The following UGT1A10 variants were observed in gnomAD, a reference collection of about 807,000 sequenced individuals.
UGT1A10 encodes UDP-glucuronosyltransferase 1A10.
In UGT1A10, 49 loss-of-function variants were observed where a neutral mutation model predicts 45.8. The ratio of observed to expected loss-of-function variants is 1.07; its 90% confidence interval spans 0.85 to 1.36. UGT1A10 has a LOEUF of 1.36. Among genes scored for constraint, UGT1A10 ranks in the 40% most tolerant of loss-of-function variants. The pLI is 0.00. For synonymous variants in UGT1A10, 284 were observed against 249.7 expected, an observed-to-expected ratio of 1.14 and a Z score of -1.29; for missense variants, 745 against 668.6, an observed-to-expected ratio of 1.11 and a Z score of -1.26.
intron 1 of UGT1A10, among the ~76,000 whole-genome samples, chr2:233,645,210 C>G (rs963570438): frequency 2.0e-5 from 3 of 152,206 alleles, no homozygotes; most frequent in African/African-American, 7.2e-5. Context: ...TATTCACTAT[C>G]AAGAGAACAG....
At chr2:233,672,911 A>G (rs184184865) in intron 1 of UGT1A10, 1 of 1,505,560 alleles carries the variant, frequency 6.6e-7, no homozygotes, top group Non-Finnish European at 8.8e-7. Context: ...TTCCAGTTTA[A>G]CAAATTATTT....
chr2:233,647,948 G>T (rs2073643933), intron 1 of UGT1A10: 2 of 1,606,252 alleles, frequency 1.2e-6, no homozygotes, highest in Non-Finnish European at 1.7e-6. Flanking sequence ...GGGAGCCACT[G>T]GTTCACCATG....
chr2:233,713,916 G>A, intron 1 of UGT1A10: 2 of 1,612,412 alleles, frequency 1.2e-6, no homozygotes, highest in Non-Finnish European at 1.7e-6. Flanking sequence ...TTTAAAAAAT[G>A]TATTTACTTA....
intron 1 of UGT1A10, chr2:233,648,741 G>T: frequency 1.8e-6 from 1 of 561,922 alleles, no homozygotes. Context: ...TGGAATTACA[G>T]GGGTGAGCCA....
chr2:233,772,514 G>C lies in UGT1A10; in HGVS notation c.1548G>C (p.Gly516=). ...CTTATGGCTACCGGAAATGCTTGGGGAAAAAAGGGCGAGTTAAGAAAGCCC... is the reference window on the plus strand; with the variant it reads ...CTTATGGCTACCGGAAATGCTTGGGCAAAAAAGGGCGAGTTAAGAAAGCCC... ...CCAYGYRKCL[G]KKGRVKKAHK... Residue 516 remains glycine, a synonymous_variant, in exon 5 of 5, where the codon GGG becomes GGC. Transcript: ENST00000344644. The C allele has an allele frequency of 6.2e-7, 1 of 1,614,126 alleles. No individual in the cohort carries two copies. Among genetic ancestry groups the C allele is most frequent in the Non-Finnish European group, 8.5e-7 (1 of 1,180,014 alleles).
intron 1 of UGT1A10, chr2:233,719,568 A>C (rs1164551922): frequency 1.9e-6 from 3 of 1,613,756 alleles, no homozygotes; most frequent in East Asian, 2.2e-5. Flanking sequence ...GGATCTTGTC[A>C]GCTATGCATC....
chr2:233,648,005 T>C (rs553085419), intron 1 of UGT1A10: 70 of 1,606,564 alleles, frequency 4.4e-5, no homozygotes, highest in Non-Finnish European at 5.9e-5. Flanking sequence ...GAGGTGGTTG[T>C]AGTCAGGCCA....
rs1233406017 is a variant in UGT1A10 at position 233,718,946 on chromosome 2, CA to C, written c.856-48087del. 88 of 1,614,072 alleles carry C rather than the reference CA, an allele frequency of 5.5e-5. No homozygotes were observed. In the East Asian group the frequency reaches 1.6e-3, roughly 29 times the overall value. ...TGCCCACTGATGGCAGCCCCTGGCT[CA>C]GCATGCGGGAGGCCTTGCGGGAGCT... On this transcript the variant is annotated intron_variant, in intron 1 of 4. Transcript: ENST00000344644.
chr2:233,688,438 C>T (rs1367790145), intron 1 of UGT1A10, among the ~76,000 whole-genome samples: 1 of 152,212 alleles, frequency 6.6e-6, no homozygotes, highest in African/African-American at 2.4e-5. Flanking sequence ...TACCTGACTG[C>T]CTCCCTGTGT....
chr2:233,712,762 A>G (rs934056553), intron 1 of UGT1A10, among the ~76,000 whole-genome samples: 48 of 152,180 alleles, frequency 3.2e-4, no homozygotes, highest in Admixed American at 2.4e-3. Flanking sequence ...AGCGAGCGCA[A>G]GGTCAGATGA....
chr2:233,698,747 A>G (rs2075459836), intron 1 of UGT1A10, among the ~76,000 whole-genome samples: 1 of 152,228 alleles, frequency 6.6e-6, no homozygotes, highest in Non-Finnish European at 1.5e-5. Context: ...TTTTTTACAT[A>G]ATGCTATGAT....
intron 1 of UGT1A10, chr2:233,648,696 C>G (rs1446834670): frequency 2.6e-6 from 1 of 388,492 alleles, no homozygotes; most frequent in Non-Finnish European, 4.9e-6. Context: ...GATCTCCTAA[C>G]CTCGTGATCC....
In UGT1A10 at chr2:233,747,168, G is replaced by C. The variant is rs1693578395; in HGVS notation, c.856-19866G>C. 4 of 1,593,782 alleles carry C rather than the reference G, an allele frequency of 2.5e-6. No homozygotes were observed. The South Asian group carries it at 4.5e-5, about 18-fold the overall frequency. On this transcript the variant is annotated intron_variant, in intron 1 of 4. Coordinates refer to ENST00000344644, the MANE Select transcript of UGT1A10 (RefSeq NM_019075.4). ...TAAGATGAAGAAAACAAATGTAGGA[G>C]GCACAGCGTGGGGTGGACAGTCAGC...
intron 1 of UGT1A10, chr2:233,755,267 T>C (rs1315366268): frequency 1.1e-5 from 8 of 759,504 alleles, no homozygotes; most frequent in East Asian, 5.3e-5. Flanking sequence ...AGTAGTCCAC[T>C]ATGCTGGACT....
Position 233,767,238 on chromosome 2 carries a change from AT to A in UGT1A10, c.987+75del. ...CTAATCCCAGACTTCCAGCTTCCAG[AT>A]TAATTCTCTTAATTGGAACCTTAGA... On this transcript the variant is annotated intron_variant, in intron 2 of 4. Transcript: ENST00000344644. The A allele has an allele frequency of 9.3e-6, 15 of 1,607,788 alleles. No individual in the cohort carries two copies. In the South Asian group the frequency reaches 1.6e-4, roughly 17 times the overall value.
intron 1 of UGT1A10, chr2:233,743,927 C>A (rs773932018): frequency 1.2e-5 from 17 of 1,360,072 alleles, no homozygotes; most frequent in Non-Finnish European, 1.6e-5. Context: ...GCTGGATGGC[C>A]AGAACGGCCC....
intron 1 of UGT1A10, among the ~76,000 whole-genome samples, chr2:233,711,920 G>C (rs1379461023): frequency 1.3e-5 from 2 of 152,120 alleles, no homozygotes; most frequent in Non-Finnish European, 2.9e-5. Flanking sequence ...GAGTGCTCAG[G>C]GTCTCTCCAT....
intron 1 of UGT1A10, among the ~76,000 whole-genome samples, chr2:233,677,942 A>G (rs2074404186): frequency 6.6e-6 from 1 of 152,242 alleles, no homozygotes; most frequent in Non-Finnish European, 1.5e-5. Context: ...ACAGTGGCTT[A>G]GATGAAGAAA....
intron 1 of UGT1A10, among the ~76,000 whole-genome samples, chr2:233,757,890 C>A (rs1243643076): frequency 6.6e-6 from 1 of 152,110 alleles, no homozygotes; most frequent in Non-Finnish European, 1.5e-5. Flanking sequence ...GTTCCAGAAA[C>A]ACTTTCCATG....
Sources: allele counts gnomAD v4.1 joint callset (sites outside exome capture counted in the v4.1 genomes callset), GRCh38; gene constraint gnomAD v4.1.1; transcripts MANE v1.5; gene names NCBI Gene and HGNC (gene_info 2026-07-23, HGNC 2026-07-21).